Variants in ANXA11 observed in about 807,000 individuals in gnomAD.
ANXA11 encodes 56 kDa autoantigen.
A neutral mutation model predicts 64.7 loss-of-function variants in ANXA11; 57 were observed. That is an observed-to-expected ratio of 0.88 (90% CI 0.71 to 1.10). The LOEUF (loss-of-function observed/expected upper bound fraction) is 1.10. Among genes scored for constraint, ANXA11 ranks in the 50% least tolerant of loss-of-function variants. ANXA11 has a pLI of 0.00. For synonymous variants in ANXA11, 260 were observed against 265.2 expected, an observed-to-expected ratio of 0.98 and a Z score of 0.19; for missense variants, 675 against 670.7, an observed-to-expected ratio of 1.01 and a Z score of -0.07.
At chr10:80,167,448 A>G (rs1845793452) in intron 5 of ANXA11, 135 bp from the exon 6 acceptor site, 2 of 723,224 alleles carry the variant, frequency 2.8e-6, no homozygotes, top group Non-Finnish European at 4.7e-6. Flanking sequence ...ACAGTCAACA[A>G]TGCAGAGGAC....
chr10:80,154,007 A>T lies in ANXA11; in HGVS notation c.*1846T>A. ...GGCTGGAGTGCAGTGGTGTAATCAC[A>T]GCTTACTACGGCCTCAATTTCTTGG... On this transcript the variant is annotated 3_prime_UTR_variant, in exon 16 of 16. Transcript: ENST00000422982. 1 of 152,142 alleles carries T rather than the reference A, an allele frequency of 6.6e-6. No homozygotes were observed. The highest frequency in any genetic ancestry group is 1.5e-5 in the Non-Finnish European group (1 of 68,080). The allele number at this position is 152,142 out of a possible 1,614,324, so 9.4% of individuals were successfully genotyped here.
At chr10:80,205,591 GAGCGCGGCCC>G (rs1840646823), upstream of ANXA11, 1 of 152,008 alleles carries the variant, frequency 6.6e-6, no homozygotes, top group Non-Finnish European at 1.5e-5. Context: ...GGCGGGGCCT[GAGCGCGGCCC>G]CGCCCCCAAG....
intron 1 of ANXA11, among the ~76,000 whole-genome samples, chr10:80,189,727 T>G (rs1168427349): frequency 6.6e-6 from 1 of 152,234 alleles, no homozygotes; most frequent in African/African-American, 2.4e-5. Flanking sequence ...TCACAAAGTT[T>G]CGGACTTTGG....
intron 1 of ANXA11, among the ~76,000 whole-genome samples, chr10:80,200,502 C>T (rs1564629749): frequency 2.6e-5 from 4 of 152,120 alleles, no homozygotes; most frequent in African/African-American, 4.8e-5. Flanking sequence ...ACATGAAACA[C>T]GAAAGCCAAA....
intron 1 of ANXA11, among the ~76,000 whole-genome samples, chr10:80,194,817 A>G (rs1310946403): frequency 2.6e-5 from 4 of 152,116 alleles, no homozygotes; most frequent in African/African-American, 7.2e-5. Context: ...TTAAAACAGG[A>G]GCTCTGGCAA....
intron 1 of ANXA11, among the ~76,000 whole-genome samples, chr10:80,203,110 C>A (rs1013370050): frequency 4.6e-5 from 7 of 151,346 alleles, no homozygotes; most frequent in Non-Finnish European, 8.8e-5. Flanking sequence ...GGAGGGGGTG[C>A]ACCAGAAAGG....
intron 1 of ANXA11, among the ~76,000 whole-genome samples, chr10:80,189,184 C>G (rs1008804712): frequency 3.9e-5 from 6 of 152,132 alleles, no homozygotes; most frequent in African/African-American, 1.4e-4. Flanking sequence ...AAGCAGAGAG[C>G]CTTTGTTGCT....
intron 3 of ANXA11, chr10:80,171,412 G>C (rs181008796): frequency 8.0e-6 from 3 of 376,954 alleles, no homozygotes; most frequent in Non-Finnish European, 1.1e-5. Flanking sequence ...GAGGGACATG[G>C]GGCTGGGTCA....
intron 8 of ANXA11, among the ~76,000 whole-genome samples, chr10:80,165,049 C>T (rs1176821295): frequency 2.6e-5 from 4 of 152,226 alleles, no homozygotes; most frequent in Non-Finnish European, 5.9e-5. Context: ...GTTTCTAACA[C>T]TCCACAACCA....
At chr10:80,159,812 C>T (rs1197094681) in intron 12 of ANXA11, among the ~76,000 whole-genome samples, 1 of 152,226 alleles carries the variant, frequency 6.6e-6, no homozygotes, top group African/African-American at 2.4e-5. Flanking sequence ...GGCCCACTCC[C>T]ATGTACTCCA....
At chr10:80,157,365 G>T in intron 15 of ANXA11, 1 of 985,446 alleles carries the variant, frequency 1.0e-6, no homozygotes, top group Non-Finnish European at 1.2e-6. Flanking sequence ...CACGGTGATC[G>T]GAACGCTGAA....
chr10:80,166,223 CA>C, intron 7 of ANXA11, 26 bp from the exon 8 acceptor site: 1 of 1,329,362 alleles, frequency 7.5e-7, no homozygotes, highest in Non-Finnish European at 1.1e-6. Flanking sequence ...AACAAACAAC[CA>C]ACAAAAAAAA....
intron 1 of ANXA11, among the ~76,000 whole-genome samples, chr10:80,193,811 C>CAAAAA (rs546354623): frequency 8.7e-6 from 1 of 114,506 alleles, no homozygotes; most frequent in Non-Finnish European, 1.8e-5. Context: ...GACTCTGTCT[C>CAAAAA]AAAAAAAAAA....
intron 12 of ANXA11, among the ~76,000 whole-genome samples, chr10:80,159,871 T>C (rs1324961417): frequency 1.3e-5 from 2 of 152,180 alleles, no homozygotes; most frequent in Non-Finnish European, 2.9e-5. Context: ...GTCTCTGCCA[T>C]TCCTTGGCTT....
At chr10:80,161,871 T>G in intron 12 of ANXA11, 64 bp downstream of exon 12, 1 of 1,413,066 alleles carries the variant, frequency 7.1e-7, no homozygotes. Context: ...CATAGCTTTG[T>G]TTCCCCACAA....
chr10:80,184,574 C>CGA (rs568086980), intron 1 of ANXA11, among the ~76,000 whole-genome samples: 85 of 151,454 alleles, frequency 5.6e-4, no homozygotes, highest in African/African-American at 1.0e-3. Context: ...ATAACTAATA[C>CGA]GAGAGAGAGA....
intron 1 of ANXA11, among the ~76,000 whole-genome samples, chr10:80,193,811 C>CA (rs546354623): frequency 0.25 from 28,837 of 114,262 alleles, 3,425 homozygotes; most frequent in Non-Finnish European, 0.28. Context: ...GACTCTGTCT[C>CA]AAAAAAAAAA....
At chr10:80,183,354 G>A (rs2132458411) in intron 1 of ANXA11, among the ~76,000 whole-genome samples, 1 of 152,336 alleles carries the variant, frequency 6.6e-6, no homozygotes, top group Admixed American at 6.5e-5. Flanking sequence ...TGACCCATGG[G>A]CAAAACCAGG....
intron 2 of ANXA11, among the ~76,000 whole-genome samples, chr10:80,174,530 G>A (rs1275184627): frequency 1.3e-5 from 2 of 151,394 alleles, no homozygotes; most frequent in Non-Finnish European, 2.9e-5. Context: ...GCCTGCCTCG[G>A]CTTCCCAAAG....
Sources: gnomAD v4.1 joint callset for allele counts (sites outside exome capture counted in the v4.1 genomes callset) on GRCh38, gnomAD v4.1.1 for gene constraint, MANE v1.5 for transcripts, NCBI Gene and HGNC (gene_info 2026-07-23, HGNC 2026-07-21) for gene names.